The following TJP1 variants were observed in gnomAD, a reference collection of about 807,000 sequenced individuals.
The protein encoded by TJP1 is tight junction protein ZO-1.
In TJP1, 43 loss-of-function variants were observed where a neutral mutation model predicts 194.2. The observed-to-expected ratio is 0.22, with a 90% CI of 0.17 to 0.29. TJP1 has a LOEUF of 0.29. Among genes scored for constraint, TJP1 ranks in the 10% least tolerant of loss-of-function variants. The probability of loss-of-function intolerance (pLI) is 1.00; values close to 1 mark genes in which losing one functional copy is unlikely to be tolerated. For synonymous variants in TJP1, 801 were observed against 779.0 expected (o/e 1.03, Z -0.47); for missense variants, 1,971 against 2,185.7 (o/e 0.90, Z 1.96).
rs923192483 is a variant in TJP1, at chr15:29,888,020, G to GA, written c.306+68211dup. On this transcript the variant is annotated intron_variant, in intron 2 of 28. Coordinates refer to the TJP1 transcript ENST00000356107. ...TGTGTACAAAGATGCTCTTCACAGG[G>GA]AAAAAAACTGAAACGATCTAAAAGT... is the stretch of plus-strand genomic sequence containing the variant. 1.4e-4 allele frequency among the ~76,000 whole-genome samples: 22 copies of GA among 151,942 alleles called. 1 individual carries two copies. Among genetic ancestry groups the GA allele is most frequent in the African/African-American group, 4.8e-4 (20 of 41,444 alleles).
At chr15:29,750,217 A>G (rs918673070) in intron 8 of TJP1, among the ~76,000 whole-genome samples, 1 of 152,134 alleles carries the variant, frequency 6.6e-6, no homozygotes, top group Admixed American at 6.5e-5. Context: ...CGTGTTAGCC[A>G]GGATGGTCTT....
chr15:29,880,495 A>T (rs901379656), intron 2 of TJP1, among the ~76,000 whole-genome samples: 1 of 152,264 alleles, frequency 6.6e-6, no homozygotes, highest in Non-Finnish European at 1.5e-5. Flanking sequence ...AGTACACAAT[A>T]CCATAGTGTT....
At position 29,800,561 on chromosome 15, in the gene TJP1, C is replaced by T. The variant is rs1395782747; in HGVS notation, c.84+85G>A. On this transcript the variant is annotated intron_variant, in intron 2 of 27. Transcript: ENST00000614355. ...AAAAGTTTCCTCCTCCCTCTGGCTT[C>T]CTGACATCTGGCTTTCCTCTATTGT... 57 of 1,360,510 alleles carry T rather than the reference C, an allele frequency of 4.2e-5. No individual in the cohort carries two copies. In the South Asian group the frequency reaches 6.3e-4, roughly 15 times the overall value. 84.3% of individuals were successfully genotyped at this position (1,360,510 alleles called of 1,614,324 possible).
chr15:29,732,285 G>C (rs1271605932), intron 15 of TJP1, 148 bp downstream of exon 15: 15 of 665,332 alleles, frequency 2.3e-5, no homozygotes, highest in South Asian at 1.6e-4. Context: ...TGGTCACTGG[G>C]GTTTTCTCAC....
chr15:29,814,594 A>G lies in TJP1; in HGVS notation c.27+7408T>C, dbSNP rs577713744. On this transcript the variant is annotated intron_variant, in intron 1 of 27. Coordinates refer to ENST00000614355, the MANE Select transcript of TJP1 (RefSeq NM_001330239.4). ...GTGAAAATTCCTAAGATAACCAAGA[A>G]GAAAAATGAACTTTTCAGTCTTTGG... Among the ~76,000 whole-genome samples the G allele has an allele frequency of 2.6e-5, 4 of 152,344 alleles. No individual in the cohort carries two copies. In the South Asian group the frequency reaches 8.3e-4, roughly 32 times the overall value.
intron 2 of TJP1, among the ~76,000 whole-genome samples, chr15:29,928,162 C>T (rs2054583987): frequency 6.6e-6 from 1 of 151,194 alleles, no homozygotes; most frequent in Admixed American, 6.6e-5. Flanking sequence ...AACATACCCA[C>T]AATTGCTCTA....
intron 1 of TJP1, among the ~76,000 whole-genome samples, chr15:29,959,679 C>T (rs1461521183): frequency 6.6e-6 from 1 of 152,168 alleles, no homozygotes; most frequent in African/African-American, 2.4e-5. Flanking sequence ...CTATCCCTAC[C>T]TACTAGTTAC....
chr15:29,851,921 A>T (rs1235013424), intron 2 of TJP1, among the ~76,000 whole-genome samples: 1 of 152,264 alleles, frequency 6.6e-6, no homozygotes, highest in Non-Finnish European at 1.5e-5. Context: ...GCACCTGGAC[A>T]ATCACAGGCA....
chr15:29,858,950 C>T (rs1456246781), intron 2 of TJP1, among the ~76,000 whole-genome samples: 2 of 152,180 alleles, frequency 1.3e-5, no homozygotes, highest in African/African-American at 4.8e-5. Context: ...GCCTCAGCCT[C>T]CCATAACGCT....
At chr15:29,845,064 G>C (rs2051359896) in intron 2 of TJP1, among the ~76,000 whole-genome samples, 1 of 152,144 alleles carries the variant, frequency 6.6e-6, no homozygotes, top group Admixed American at 6.5e-5. Flanking sequence ...CTATTGTTAG[G>C]CTAAGAAGAT....
chr15:29,747,268 C>A (rs1199677286), intron 8 of TJP1, among the ~76,000 whole-genome samples: 5 of 152,122 alleles, frequency 3.3e-5, no homozygotes, highest in African/African-American at 1.2e-4. Flanking sequence ...CTGGGCAAGA[C>A]AGCGAGACTT....
chr15:29,787,810 T>C (rs2047795540), intron 2 of TJP1, among the ~76,000 whole-genome samples: 1 of 152,232 alleles, frequency 6.6e-6, no homozygotes, highest in African/African-American at 2.4e-5. Flanking sequence ...ACTTATTATG[T>C]AGACATTTGC....
chr15:29,851,204 G>GA (rs1484754221), intron 2 of TJP1, among the ~76,000 whole-genome samples: 4 of 151,506 alleles, frequency 2.6e-5, no homozygotes, highest in African/African-American at 4.8e-5. Context: ...GCTCTTTAGG[G>GA]AAAAAACAAT....
intron 2 of TJP1, among the ~76,000 whole-genome samples, chr15:29,923,401 G>C (rs1406553403): frequency 1.3e-5 from 2 of 150,232 alleles, no homozygotes; most frequent in African/African-American, 4.8e-5. Flanking sequence ...GCTCCCAAAT[G>C]GGTCCTCAAT....
chr15:29,721,056 G>A (rs929046382), intron 18 of TJP1, among the ~76,000 whole-genome samples: 1 of 152,206 alleles, frequency 6.6e-6, no homozygotes, highest in South Asian at 2.1e-4. Flanking sequence ...GGGGAAGAGG[G>A]AGAATGTTAC....
At chr15:29,846,171 C>A (rs952980001) in intron 2 of TJP1, among the ~76,000 whole-genome samples, 1 of 152,174 alleles carries the variant, frequency 6.6e-6, no homozygotes, top group African/African-American at 2.4e-5. Flanking sequence ...ATCACCATAA[C>A]CTCTCCTGCT....
intron 2 of TJP1, among the ~76,000 whole-genome samples, chr15:29,782,801 C>T (rs1216577860): frequency 2.2e-5 from 3 of 138,956 alleles, no homozygotes; most frequent in Non-Finnish European, 3.0e-5. Flanking sequence ...ATGCATCTGA[C>T]AAAGGTCTAA....
intron 23 of TJP1, among the ~76,000 whole-genome samples, chr15:29,713,391 T>C (rs1286395101): frequency 6.6e-6 from 1 of 152,214 alleles, no homozygotes; most frequent in Admixed American, 6.5e-5. Flanking sequence ...TCCAGCTCTA[T>C]GGAACTGTTA....
At chr15:29,721,971 A>G (rs2042955465) in intron 18 of TJP1, among the ~76,000 whole-genome samples, 1 of 152,248 alleles carries the variant, frequency 6.6e-6, no homozygotes, top group Non-Finnish European at 1.5e-5. Flanking sequence ...AGCATTCAAG[A>G]TGCGACCTGG....
Sources: allele counts gnomAD v4.1 joint callset (sites outside exome capture counted in the v4.1 genomes callset), GRCh38; gene constraint gnomAD v4.1.1; transcripts MANE v1.5; gene names NCBI Gene and HGNC (gene_info 2026-07-23, HGNC 2026-07-21).